Variants in LRRIQ1 observed in about 807,000 individuals in gnomAD.
LRRIQ1 encodes the protein leucine rich repeats and IQ motif containing 1.
Under a neutral mutation model 211.9 loss-of-function variants are expected in LRRIQ1, and 210 were observed. The ratio of observed to expected loss-of-function variants is 0.99; its 90% CI spans 0.89 to 1.11. The LOEUF (loss-of-function observed/expected upper bound fraction) is 1.11. LRRIQ1 is among the 50% of genes most tolerant of loss of function. The pLI, the probability that LRRIQ1 is intolerant of heterozygous loss-of-function variation, is 0.00. For missense variants in LRRIQ1, 2,136 were observed against 1,939.5 expected, an observed-to-expected ratio of 1.10 and a Z score of -1.90; for synonymous variants, 699 against 650.1, an observed-to-expected ratio of 1.08 and a Z score of -1.14.
At chr12:85,111,945 T>TACACAC (rs539688376) in intron 15 of LRRIQ1, among the ~76,000 whole-genome samples, 25 of 148,174 alleles carry the variant, frequency 1.7e-4, no homozygotes, top group African/African-American at 6.0e-4. Flanking sequence ...TATATATATA[T>TACACAC]ACACACACAC....
chr12:85,119,506 A>G (rs948654224), intron 15 of LRRIQ1, among the ~76,000 whole-genome samples: 5 of 152,168 alleles, frequency 3.3e-5, no homozygotes, highest in Non-Finnish European at 5.9e-5. Flanking sequence ...TAAATTTTCA[A>G]TTCATTTGAA....
intron 10 of LRRIQ1, among the ~76,000 whole-genome samples, chr12:85,068,874 T>G (rs990786725): frequency 2.6e-5 from 4 of 151,356 alleles, no homozygotes; most frequent in Non-Finnish European, 5.9e-5. Context: ...GTCCATTTAC[T>G]TTTTTTAGTT....
chr12:85,178,007 G>A (rs1185763849), intron 24 of LRRIQ1, among the ~76,000 whole-genome samples: 1 of 152,108 alleles, frequency 6.6e-6, no homozygotes, highest in African/African-American at 2.4e-5. Flanking sequence ...GAGAGATGTT[G>A]TGAGGAGTGA....
intron 20 of LRRIQ1, 106 bp from the exon 21 acceptor site, chr12:85,152,918 G>T: frequency 1.7e-6 from 1 of 583,300 alleles, no homozygotes; most frequent in Admixed American, 3.7e-5. Context: ...ATTTTATAAT[G>T]AGTTTCCCTT....
downstream of LRRIQ1, among the ~76,000 whole-genome samples, chr12:85,246,226 T>C (rs1308313245): frequency 1.3e-5 from 2 of 151,256 alleles, no homozygotes; most frequent in South Asian, 2.1e-4. Context: ...CTAGTCAATA[T>C]AGTTAAGAAA....
chr12:85,060,045 T>G (rs1333131576), intron 8 of LRRIQ1, among the ~76,000 whole-genome samples: 1 of 151,938 alleles, frequency 6.6e-6, no homozygotes, highest in African/African-American at 2.4e-5. Flanking sequence ...TGTGACACCT[T>G]ATGCAAATGC....
In LRRIQ1 at chr12:85,053,324, G is replaced by GAT. The variant is rs1880556071; in HGVS notation, c.753+1074_753+1075dup. ...TAAAAAATCAACCAGCATATTCAAAGATGAAAAATAATTTCCAAGTAGGAT... is the reference window on the plus strand; with the variant it reads ...TAAAAAATCAACCAGCATATTCAAAGATATGAAAAATAATTTCCAAGTAGGAT... On this transcript the variant is annotated intron_variant, in intron 7 of 26. Transcript: ENST00000393217. 2.0e-5 allele frequency among the ~76,000 whole-genome samples: 3 copies of GAT among 152,150 alleles called. No homozygotes were observed. The South Asian group carries it at 6.2e-4, about 32-fold the overall frequency.
intron 16 of LRRIQ1, among the ~76,000 whole-genome samples, chr12:85,122,958 C>T (rs1157117932): frequency 6.6e-6 from 1 of 151,760 alleles, no homozygotes; most frequent in African/African-American, 2.4e-5. Context: ...TTTATTTTAG[C>T]ATTGAAAATG....
intron 24 of LRRIQ1, among the ~76,000 whole-genome samples, chr12:85,211,811 G>A (rs548822104): frequency 7.2e-5 from 11 of 152,128 alleles, no homozygotes; most frequent in African/African-American, 2.7e-4. Flanking sequence ...ATAAATGATG[G>A]GCAATATTTT....
At chr12:85,244,103 A>G (rs1410474921) in intron 26 of LRRIQ1, among the ~76,000 whole-genome samples, 3 of 151,624 alleles carry the variant, frequency 2.0e-5, no homozygotes, top group South Asian at 2.1e-4. Flanking sequence ...AACATTATGT[A>G]CAACACTGTT....
intron 3 of LRRIQ1, among the ~76,000 whole-genome samples, chr12:85,043,686 C>T (rs542979188): frequency 2.7e-4 from 41 of 151,896 alleles, no homozygotes; most frequent in Non-Finnish European, 1.3e-4. Context: ...AATAAGTAAC[C>T]GAGTTATTAA....
At chr12:85,157,885 AT>A (rs1226152234) in intron 23 of LRRIQ1, among the ~76,000 whole-genome samples, 1 of 151,838 alleles carries the variant, frequency 6.6e-6, no homozygotes, top group African/African-American at 2.4e-5. Flanking sequence ...AAAAAGGCTA[AT>A]TTTTTATGTC....
At chr12:85,041,241 A>G (rs1878846128) in intron 3 of LRRIQ1, among the ~76,000 whole-genome samples, 1 of 151,858 alleles carries the variant, frequency 6.6e-6, no homozygotes, top group African/African-American at 2.4e-5. Context: ...GTAGATATTC[A>G]TATTCATTCA....
intron 8 of LRRIQ1, among the ~76,000 whole-genome samples, chr12:85,064,712 G>A (rs905009470): frequency 6.6e-6 from 1 of 151,832 alleles, no homozygotes; most frequent in African/African-American, 2.4e-5. Context: ...TGTGTGGTAA[G>A]AGATGGGGGT....
chr12:85,041,398 C>T (rs1452159942), intron 3 of LRRIQ1, among the ~76,000 whole-genome samples: 2 of 151,502 alleles, frequency 1.3e-5, no homozygotes, highest in Non-Finnish European at 3.0e-5. Context: ...ATAGTGATAA[C>T]TGCTATGAAG....
chr12:85,217,648 G>A (rs1393613469), intron 24 of LRRIQ1, among the ~76,000 whole-genome samples: 7 of 133,124 alleles, frequency 5.3e-5, no homozygotes, highest in African/African-American at 2.2e-4. Flanking sequence ...ATATATATGT[G>A]TATATGTATA....
chr12:85,210,243 A>G (rs1233326624), intron 24 of LRRIQ1, among the ~76,000 whole-genome samples: 1 of 152,172 alleles, frequency 6.6e-6, no homozygotes, highest in African/African-American at 2.4e-5. Context: ...ATAACTCCAT[A>G]GTTTTCCTAT....
intron 4 of LRRIQ1, among the ~76,000 whole-genome samples, chr12:85,045,327 C>T (rs1317357753): frequency 2.0e-5 from 3 of 151,892 alleles, no homozygotes; most frequent in Non-Finnish European, 4.4e-5. Flanking sequence ...AGATTCACTT[C>T]TTAGATTGAC....
chr12:85,176,581 C>T (rs541055450), intron 24 of LRRIQ1, among the ~76,000 whole-genome samples: 13 of 111,854 alleles, frequency 1.2e-4, no homozygotes, highest in African/African-American at 4.0e-4. Context: ...ATCACACTCT[C>T]GGGACTGTTG....
Sources: gnomAD v4.1 joint callset for allele counts (sites outside exome capture counted in the v4.1 genomes callset) on GRCh38, gnomAD v4.1.1 for gene constraint, MANE v1.5 for transcripts, NCBI Gene and HGNC (gene_info 2026-07-23, HGNC 2026-07-21) for gene names.